VIPR1: variants seen among roughly 807,000 people sequenced by gnomAD.
VIPR1 encodes the protein vasoactive intestinal polypeptide receptor 1.
A neutral mutation model predicts 58.8 loss-of-function variants in VIPR1; 59 were observed. The observed-to-expected ratio is 1.00, with a 90% confidence interval of 0.81 to 1.25. The LOEUF is 1.25. Among genes scored for constraint, VIPR1 ranks in the 50% most tolerant of loss-of-function variants. VIPR1 has a pLI of 0.00. For synonymous variants in VIPR1, 251 were observed against 242.1 expected (o/e 1.04, Z -0.34); for missense variants, 626 against 602.7 (o/e 1.04, Z -0.40).
chr3:42,512,980 C>T, intron 1 of VIPR1: 3 of 977,514 alleles, frequency 3.1e-6, no homozygotes, highest in Non-Finnish European at 3.6e-6. Context: ...TGGTCTGGCC[C>T]ACCCCTGATC....
chr3:42,500,723 T>C (rs1699850997), upstream of VIPR1, among the ~76,000 whole-genome samples: 1 of 152,066 alleles, frequency 6.6e-6, no homozygotes, highest in African/African-American at 2.4e-5. Flanking sequence ...ACCCCTGATT[T>C]CTGAGCTAAC....
intron 1 of VIPR1, among the ~76,000 whole-genome samples, chr3:42,490,856 G>T (rs995582451): frequency 3.3e-5 from 5 of 152,132 alleles, no homozygotes; most frequent in Admixed American, 1.3e-4. Flanking sequence ...AGCAGCAGGG[G>T]TCTAGGAATA....
At chr3:42,513,429 C>G (rs1195346798) in intron 1 of VIPR1, 8 of 290,246 alleles carry the variant, frequency 2.8e-5, no homozygotes, top group Non-Finnish European at 6.6e-6. Flanking sequence ...GTCCAGAGGG[C>G]CAGCTCAGGC....
chr3:42,535,008 CCT>C lies in VIPR1; in HGVS notation c.1045_1046del (p.Leu349ValfsTer16), dbSNP rs770081504. Reference sequence around the variant, plus strand: ...CCAGGTCCACACTCCTGCTGATCCCCCTGTTTGGAGTACACTACATCATGTTC... The same window carrying C: ...CCAGGTCCACACTCCTGCTGATCCCCGTTTGGAGTACACTACATCATGTTC... ...LARSTLLLIP[L>X]FGVHYIMFAF... On this transcript the variant is annotated frameshift_variant, in exon 11 of 13. Transcript: ENST00000325123. LOFTEE classifies it high-confidence loss of function. The C allele has an allele frequency of 9.3e-6, 15 of 1,614,078 alleles. No homozygotes were observed. Among genetic ancestry groups the C allele is most frequent in the Middle Eastern group, 3.3e-4 (2 of 6,084 alleles).
At chr3:42,494,713 T>G (rs1699727002) in intron 1 of VIPR1, among the ~76,000 whole-genome samples, 1 of 152,222 alleles carries the variant, frequency 6.6e-6, no homozygotes, top group African/African-American at 2.4e-5. Flanking sequence ...TTATTTTGAT[T>G]TCATTGTTTT....
At chr3:42,519,412 A>G (rs1188428025) in intron 3 of VIPR1, 82 bp downstream of exon 3, 1 of 1,307,222 alleles carries the variant, frequency 7.6e-7, no homozygotes, top group Non-Finnish European at 1.0e-6. Context: ...GGAAAGGCAA[A>G]GGAAAGTGGT....
chr3:42,523,095 A>AG, intron 3 of VIPR1, among the ~76,000 whole-genome samples: 1 of 102,016 alleles, frequency 9.8e-6, no homozygotes, highest in African/African-American at 5.6e-5. Flanking sequence ...CCCCGCCCCC[A>AG]GTGGAGTGTC....
chr3:42,498,496 G>A (rs1283274179), upstream of VIPR1, among the ~76,000 whole-genome samples: 1 of 152,112 alleles, frequency 6.6e-6, no homozygotes, highest in Non-Finnish European at 1.5e-5. Context: ...CTTAGCATTT[G>A]CTCACTAGAG....
chr3:42,532,077 G>A (rs766094862), intron 9 of VIPR1, 165 bp from the exon 10 acceptor site: 1 of 896,234 alleles, frequency 1.1e-6, no homozygotes, highest in Non-Finnish European at 1.8e-6. Flanking sequence ...ATTTGAAGGA[G>A]GTAGAGTTCC....
intron 2 of VIPR1, among the ~76,000 whole-genome samples, chr3:42,517,924 C>T (rs1323843561): frequency 6.6e-5 from 10 of 151,922 alleles, no homozygotes; most frequent in Non-Finnish European, 1.3e-4. Flanking sequence ...TGCAGTGAGC[C>T]GAGATCATGC....
At chr3:42,492,369 A>C (rs1699679974) in intron 1 of VIPR1, 1 of 152,486 alleles carries the variant, frequency 6.6e-6, no homozygotes, top group Non-Finnish European at 1.5e-5. Context: ...CCTGGTCACC[A>C]CCACCCCCAG....
Position 42,502,778 on chromosome 3 carries a change from C to CT in VIPR1, c.44dup (p.Ala16GlyfsTer23), listed in dbSNP as rs1462079397. 3.1e-6 allele frequency: 4 copies of CT among 1,288,328 alleles called. No individual in the cohort carries two copies. Among genetic ancestry groups the CT allele is most frequent in the African/African-American group, 1.5e-5 (1 of 64,748 alleles). The allele number at this position is 1,288,328 out of a possible 1,614,324, so 79.8% of individuals were successfully genotyped here. ...GCTGCCCGCCCGCTGGCTATGCGTG[C>CT]TGGCAGGCGCCCTCGCCTGGGCCCT... is the stretch of plus-strand genomic sequence containing the variant. On this transcript the variant is annotated frameshift_variant, in exon 1 of 13. Transcript: ENST00000325123. LOFTEE classifies it high-confidence loss of function.
intron 2 of VIPR1, among the ~76,000 whole-genome samples, chr3:42,516,304 T>C (rs1700624964): frequency 6.6e-6 from 1 of 152,170 alleles, no homozygotes; most frequent in Non-Finnish European, 1.5e-5. Context: ...AATACTCCCG[T>C]TGCCTAGCCC....
rs1202362375 is a variant in VIPR1, at chr3:42,513,814, G to C, written c.144G>C (p.Lys48Asn). 1.9e-6 allele frequency: 3 copies of C among 1,551,710 alleles called. No homozygotes were observed. The highest frequency in any genetic ancestry group is 2.6e-6 in the Non-Finnish European group (3 of 1,146,978). Residue 48 changes from lysine to asparagine, a missense_variant, in exon 2 of 13, where the codon AAG becomes AAC. Lys to Asn is a moderately conservative substitution (Grantham distance 94). Coordinates refer to ENST00000325123, the MANE Select transcript of VIPR1 (RefSeq NM_004624.4). ...TGCAGATGATCGAGGTGCAGCACAAGCAGTGCCTGGAGGAGGCCCAGCTGG... is the reference window on the plus strand; with the variant it reads ...TGCAGATGATCGAGGTGCAGCACAACCAGTGCCTGGAGGAGGCCCAGCTGG... ...DYVQMIEVQH[K>N]QCLEEAQLEN...
chr3:42,498,861 T>G (rs1699815954), upstream of VIPR1, among the ~76,000 whole-genome samples: 1 of 152,150 alleles, frequency 6.6e-6, no homozygotes, highest in Non-Finnish European at 1.5e-5. Flanking sequence ...CATGCTGTTA[T>G]GGAAGGGAGG....
At chr3:42,494,282 G>A (rs1391900050) in intron 1 of VIPR1, among the ~76,000 whole-genome samples, 3 of 152,252 alleles carry the variant, frequency 2.0e-5, no homozygotes, top group African/African-American at 4.8e-5. Flanking sequence ...AAATGGAAAT[G>A]CAGTTTTTTT....
At chr3:42,525,814 G>T in intron 3 of VIPR1, 73 bp from the exon 4 acceptor site, 1 of 1,448,486 alleles carries the variant, frequency 6.9e-7, no homozygotes, top group Non-Finnish European at 9.3e-7. Context: ...TCTCTGCCTT[G>T]TTCCAAGCAG....
intron 3 of VIPR1, among the ~76,000 whole-genome samples, chr3:42,524,093 G>C (rs1701103096): frequency 6.6e-6 from 1 of 152,226 alleles, no homozygotes; most frequent in South Asian, 2.1e-4. Flanking sequence ...GGGATTACAG[G>C]CATGAGCCAC....
rs531444322 is a variant in VIPR1 at position 42,517,987 on chromosome 3, T to C, written c.185-1236T>C. Among the ~76,000 whole-genome samples the C allele has an allele frequency of 5.9e-4, 89 of 152,078 alleles. 2 individuals are homozygous for C. Among genetic ancestry groups the C allele is most frequent in the African/African-American group, 1.9e-3 (78 of 41,500 alleles). ...CAAGACTATGATGGGGTGATGAGTA[T>C]ATTGGGATGCATCTAGTTCTTTTTT... On this transcript the variant is annotated intron_variant, in intron 2 of 12. Coordinates refer to ENST00000325123, the MANE Select transcript of VIPR1 (RefSeq NM_004624.4).
Sources: gnomAD v4.1 joint callset for allele counts (sites outside exome capture counted in the v4.1 genomes callset) on GRCh38, gnomAD v4.1.1 for gene constraint, MANE v1.5 for transcripts, NCBI Gene and HGNC (gene_info 2026-07-23, HGNC 2026-07-21) for gene names.